PPARGC1A: variants seen among roughly 807,000 people sequenced by gnomAD.
PPARGC1A encodes peroxisome proliferator-activated receptor gamma coactivator 1-alpha.
Under a neutral mutation model 88.7 loss-of-function variants are expected in PPARGC1A, and 25 were observed. The ratio of observed to expected loss-of-function variants is 0.28; its 90% confidence interval spans 0.21 to 0.39. PPARGC1A has a LOEUF of 0.39. PPARGC1A is among the 10% of genes least tolerant of loss of function. PPARGC1A has a pLI of 1.00. For missense variants in PPARGC1A, 880 were observed against 968.7 expected, an observed-to-expected ratio of 0.91 and a Z score of 1.22; for synonymous variants, 363 against 355.6, an observed-to-expected ratio of 1.02 and a Z score of -0.24.
chr4:24,455,392 G>A, the PPARGC1A span, among the ~76,000 whole-genome samples: 1 of 152,300 alleles, frequency 6.6e-6, no homozygotes, highest in South Asian at 2.1e-4. Flanking sequence ...GAGATGGAAG[G>A]ATCACTTGAG....
chr4:23,887,507 T>C (rs1420204010), intron 1 of PPARGC1A, among the ~76,000 whole-genome samples: 1 of 152,220 alleles, frequency 6.6e-6, no homozygotes, highest in Non-Finnish European at 1.5e-5. Flanking sequence ...TACTGCCTCT[T>C]TGCAACTATG....
At chr4:23,919,560 AAAG>A in the PPARGC1A span, among the ~76,000 whole-genome samples, 1,641 of 94,008 alleles carry the variant, frequency 0.017, 30 homozygotes, top group African/African-American at 0.08. Flanking sequence ...AAAAAAAAAA[AAAG>A]AAGTGAATTG....
the PPARGC1A span, among the ~76,000 whole-genome samples, chr4:23,996,273 C>T: frequency 6.6e-6 from 1 of 152,168 alleles, no homozygotes; most frequent in Non-Finnish European, 1.5e-5. Flanking sequence ...TCCCAAGTCA[C>T]ATGGAAATTG....
chr4:24,186,727 A>T, the PPARGC1A span, among the ~76,000 whole-genome samples: 1 of 152,160 alleles, frequency 6.6e-6, no homozygotes, highest in Non-Finnish European at 1.5e-5. Context: ...TTTCTGGGGC[A>T]CGATGGCTCT....
chr4:24,076,675 T>A, the PPARGC1A span, among the ~76,000 whole-genome samples: 2 of 152,176 alleles, frequency 1.3e-5, no homozygotes, highest in Admixed American at 6.5e-5. Flanking sequence ...AAATCCTCCA[T>A]CCCCAGGCTC....
At chr4:24,290,844 G>C in the PPARGC1A span, among the ~76,000 whole-genome samples, 143 of 152,310 alleles carry the variant, frequency 9.4e-4, no homozygotes, top group African/African-American at 3.3e-3. Flanking sequence ...CATCCTAGGT[G>C]ACATTAGAGT....
Position 23,814,063 on chromosome 4 carries a change from A to T in PPARGC1A, c.1420T>A (p.Phe474Ile). ...CCGGTCTTGTCTGCTTCGTCGTCAA[A>T]AACAGCTTGACTGGGATGACCGAAG... Reference protein sequence around the residue: ...KHFGHPSQAVFDDEADKTGEL... With the variant: ...KHFGHPSQAVIDDEADKTGEL... The change falls in exon 8 of 13, where the codon TTT (phenylalanine) becomes ATT (isoleucine). Residue 474 changes from phenylalanine to isoleucine, a missense_variant. Transcript: ENST00000264867. The T allele has an allele frequency of 6.2e-7, 1 of 1,614,008 alleles. No homozygotes were observed. The highest frequency in any genetic ancestry group is 8.5e-7 in the Non-Finnish European group (1 of 1,179,962).
chr4:23,795,009 C>T lies in PPARGC1A; in HGVS notation c.*813G>A, dbSNP rs576895222. ...TTTAGCATTCTGGTGCCCGCAGTAT[C>T]CTCTCCCACCCAGATTCCATGGCAA... On this transcript the variant is annotated 3_prime_UTR_variant, in exon 13 of 13. Coordinates refer to ENST00000264867, the MANE Select transcript of PPARGC1A (RefSeq NM_013261.5). 1 of 150,390 alleles carries T rather than the reference C, an allele frequency of 6.6e-6. No individual in the cohort carries two copies. Among genetic ancestry groups the T allele is most frequent in the South Asian group, 2.1e-4 (1 of 4,702 alleles). 9.3% of individuals were successfully genotyped at this position (150,390 alleles called of 1,614,324 possible).
At chr4:24,467,998 G>A in the PPARGC1A span, among the ~76,000 whole-genome samples, 2 of 152,216 alleles carry the variant, frequency 1.3e-5, no homozygotes, top group African/African-American at 4.8e-5. Context: ...TCAATCAGGT[G>A]AGTAAAGTCA....
At chr4:23,924,987 A>G in the PPARGC1A span, among the ~76,000 whole-genome samples, 3 of 152,242 alleles carry the variant, frequency 2.0e-5, no homozygotes, top group African/African-American at 7.2e-5. Flanking sequence ...TATCTTTTGA[A>G]AAGTATGAAC....
At chr4:24,261,164 C>T in the PPARGC1A span, among the ~76,000 whole-genome samples, 1 of 152,192 alleles carries the variant, frequency 6.6e-6, no homozygotes, top group Admixed American at 6.5e-5. Flanking sequence ...GAGAATGTTT[C>T]CATTGTTCCT....
the PPARGC1A span, among the ~76,000 whole-genome samples, chr4:24,077,627 GTGTGT>G: frequency 8.1e-4 from 18 of 22,168 alleles, no homozygotes; most frequent in Middle Eastern, 0.017. Context: ...GTCTAGGGGT[GTGTGT>G]GTGTGTGTGT....
the PPARGC1A span, among the ~76,000 whole-genome samples, chr4:24,133,275 C>T: frequency 6.6e-6 from 1 of 152,176 alleles, no homozygotes; most frequent in Non-Finnish European, 1.5e-5. Context: ...AAAGTTCCAA[C>T]ACCTGAGAGC....
chr4:24,290,322 G>A, the PPARGC1A span, among the ~76,000 whole-genome samples: 39 of 151,856 alleles, frequency 2.6e-4, 3 homozygotes, highest in Admixed American at 1.4e-3. Flanking sequence ...CCCATCACCC[G>A]AGCAGTATAC....
chr4:23,828,561 T>C lies in PPARGC1A; in HGVS notation c.596A>G (p.Gln199Arg). Residue 199 changes from glutamine (Q) to arginine (R), a missense_variant, in exon 5 of 13, where the codon CAG (glutamine) becomes CGG (arginine). Transcript: ENST00000264867. Reference protein sequence around the residue: ...WSNKAKSICQQQKPQRRPCSE... With the variant: ...WSNKAKSICQRQKPQRRPCSE... The stretch of plus-strand genomic sequence containing the variant: ...GCAGGGACGTCTTTGTGGCTTTTGC[T>C]GTTGACAAATACTCTTCGCTTTATT... The C allele has an allele frequency of 6.2e-7, 1 of 1,614,212 alleles. No homozygotes were observed. Among genetic ancestry groups the C allele is most frequent in the Non-Finnish European group, 8.5e-7 (1 of 1,180,024 alleles).
the PPARGC1A span, among the ~76,000 whole-genome samples, chr4:24,181,994 T>A: frequency 0.074 from 11,325 of 152,196 alleles, 449 homozygotes; most frequent in African/African-American, 0.083. Flanking sequence ...CACTTTTTTT[T>A]AATTTTACTT....
the PPARGC1A span, among the ~76,000 whole-genome samples, chr4:24,300,324 A>ATTTT: frequency 2.7e-3 from 120 of 45,018 alleles, 28 homozygotes; most frequent in Non-Finnish European, 3.9e-3. Context: ...ATACAATAGC[A>ATTTT]TTTTTTTTTT....
chr4:24,153,490 A>G, the PPARGC1A span, among the ~76,000 whole-genome samples: 1 of 152,202 alleles, frequency 6.6e-6, no homozygotes, highest in Non-Finnish European at 1.5e-5. Flanking sequence ...ATAAATAGCA[A>G]TTATCAGCAG....
At chr4:24,381,817 G>A in the PPARGC1A span, among the ~76,000 whole-genome samples, 1 of 152,326 alleles carries the variant, frequency 6.6e-6, no homozygotes, top group Admixed American at 6.5e-5. Flanking sequence ...AGGTAGACCT[G>A]AGGTTGATTA....
Sources: allele counts gnomAD v4.1 joint callset (sites outside exome capture counted in the v4.1 genomes callset), GRCh38; gene constraint gnomAD v4.1.1; transcripts MANE v1.5; gene names NCBI Gene and HGNC (gene_info 2026-07-23, HGNC 2026-07-21).